Variants in P3H2 observed in about 807,000 individuals in gnomAD.
The protein encoded by P3H2 is prolyl 3-hydroxylase 2.
P3H2 carries 80 observed loss-of-function variants against 87.0 expected under a neutral mutation model. The observed-to-expected ratio is 0.92, with a 90% CI of 0.77 to 1.11. The LOEUF is 1.11. Among genes scored for constraint, P3H2 ranks in the 50% least tolerant of loss-of-function variants. P3H2 has a pLI of 0.00. For synonymous variants in P3H2, 367 were observed against 359.3 expected (o/e 1.02, Z -0.24); for missense variants, 1,001 against 923.9 (o/e 1.08, Z -1.08).
chr3:190,069,516 G>A (rs73053190), intron 1 of P3H2, among the ~76,000 whole-genome samples: 26,662 of 152,068 alleles, frequency 0.18, 3,604 homozygotes, highest in African/African-American at 0.38. Context: ...TTCTCTGTAA[G>A]ATTTACAGCA....
At chr3:190,015,206 A>T (rs1724712558) in intron 1 of P3H2, among the ~76,000 whole-genome samples, 1 of 151,856 alleles carries the variant, frequency 6.6e-6, no homozygotes, top group Non-Finnish European at 1.5e-5. Context: ...CTGACACGAA[A>T]CCTCACTATG....
At chr3:190,097,880 C>A (rs1269890647) in intron 1 of P3H2, among the ~76,000 whole-genome samples, 1 of 152,050 alleles carries the variant, frequency 6.6e-6, no homozygotes, top group Non-Finnish European at 1.5e-5. Flanking sequence ...CAAGGCCCCC[C>A]AAAAAACCCT....
chr3:190,092,850 G>A (rs1413098979), intron 1 of P3H2, among the ~76,000 whole-genome samples: 2 of 152,116 alleles, frequency 1.3e-5, no homozygotes, highest in East Asian at 3.9e-4. Context: ...TCTTGTTTTT[G>A]CTCATAGAAC....
intron 1 of P3H2, among the ~76,000 whole-genome samples, chr3:190,040,395 A>C (rs1344025066): frequency 6.6e-6 from 1 of 152,152 alleles, no homozygotes; most frequent in Non-Finnish European, 1.5e-5. Context: ...ATGGTTACTG[A>C]ATCCACCACC....
At chr3:189,987,703 G>A in intron 4 of P3H2, 34 bp from the exon 5 acceptor site, 2 of 1,613,738 alleles carry the variant, frequency 1.2e-6, no homozygotes, top group Non-Finnish European at 1.7e-6. Flanking sequence ...ATTAGAGTCA[G>A]CCTAGGTCTG....
chr3:190,117,645 GTTTT>G (rs11357414), intron 1 of P3H2, among the ~76,000 whole-genome samples: 1 of 125,786 alleles, frequency 8.0e-6, no homozygotes, highest in African/African-American at 2.9e-5. Context: ...TATTTGAGAG[GTTTT>G]TTTTTTTTTT....
intron 1 of P3H2, among the ~76,000 whole-genome samples, chr3:190,090,430 A>G (rs1851547): frequency 0.38 from 57,558 of 151,446 alleles, 11,300 homozygotes; most frequent in African/African-American, 0.47. Flanking sequence ...TTGGCCGCGC[A>G]CGGTGGCTCA....
chr3:189,991,155 AAAACTG>A (rs1246183489), intron 3 of P3H2, among the ~76,000 whole-genome samples: 1 of 152,252 alleles, frequency 6.6e-6, no homozygotes, highest in Non-Finnish European at 1.5e-5. Flanking sequence ...AACCACACAT[AAAACTG>A]ACATTCCAAA....
intron 1 of P3H2, among the ~76,000 whole-genome samples, chr3:190,069,523 A>G (rs1726626104): frequency 6.6e-6 from 1 of 152,208 alleles, no homozygotes; most frequent in South Asian, 2.1e-4. Flanking sequence ...TAAGATTTAC[A>G]GCATGTTTAC....
rs751872172 is a variant in P3H2, at chr3:189,970,907, G to A, written c.1818-16C>T. The stretch of plus-strand genomic sequence containing the variant: ...TAGGAGAGCACTATAAGAATGAAGA[G>A]AAAACTATTTGTATTATTATATGCT... On this transcript the variant is annotated splice_polypyrimidine_tract_variant and intron_variant, in intron 12 of 14. Coordinates refer to ENST00000319332, the MANE Select transcript of P3H2 (RefSeq NM_018192.4). 8.0e-6 allele frequency: 11 copies of A among 1,373,406 alleles called. No individual in the cohort carries two copies. The Admixed American group carries it at 1.8e-4, about 23-fold the overall frequency. 85.1% of individuals were successfully genotyped at this position (1,373,406 alleles called of 1,614,324 possible).
chr3:190,003,495 T>TAA (rs5855293), intron 1 of P3H2, among the ~76,000 whole-genome samples: 51 of 146,074 alleles, frequency 3.5e-4, no homozygotes, highest in South Asian at 8.8e-4. Context: ...CCCTTGATGT[T>TAA]AAAAAAAAAA....
chr3:190,004,361 C>T (rs7639633), intron 1 of P3H2, among the ~76,000 whole-genome samples: 19,376 of 152,098 alleles, frequency 0.13, 1,452 homozygotes, highest in East Asian at 0.22. Flanking sequence ...GACAAGGGTA[C>T]GTTATGATAC....
intron 11 of P3H2, 27 bp downstream of exon 11, chr3:189,972,847 G>A: frequency 6.2e-7 from 1 of 1,613,388 alleles, no homozygotes; most frequent in Non-Finnish European, 8.5e-7. Context: ...GTGGGTAAAA[G>A]GGAACCATTT....
rs1553877635 is a variant in P3H2 at position 190,039,196 on chromosome 3, A to AT, written c.481-43755_481-43754insA. 2.0e-4 allele frequency among the ~76,000 whole-genome samples: 30 copies of AT among 151,772 alleles called. No homozygotes were observed. The East Asian group carries it at 4.8e-3, about 25-fold the overall frequency. The stretch of plus-strand genomic sequence containing the variant: ...AAAAGCGAAACTCCATCTCAAAAAA[A>AT]AAAATAAAAAAGAATTGAGCACTGT... On this transcript the variant is annotated intron_variant, in intron 1 of 14. Transcript: ENST00000319332.
rs938860327 is a variant in P3H2 at position 190,020,913 on chromosome 3, T to C, written c.481-25471A>G. Among the ~76,000 whole-genome samples the C allele has an allele frequency of 6.7e-5, 9 of 134,694 alleles. 3 individuals carry two copies. The highest frequency in any genetic ancestry group is 9.9e-5 in the Non-Finnish European group (6 of 60,426). The allele number at this position is 134,694 out of a possible 152,430, so 88.4% of individuals were successfully genotyped here. A position where few individuals can be genotyped will look rare whatever the true frequency, so the allele number is the denominator to read the frequency against. ...TATTGGGGTAAAAGCTGGATGGCTA[T>C]GGAACTGCAAGGAACTTTTAAGTAT... On this transcript the variant is annotated intron_variant, in intron 1 of 14. Transcript: ENST00000319332.
At chr3:189,959,066 G>A (rs907394728) in intron 14 of P3H2, among the ~76,000 whole-genome samples, 7 of 151,690 alleles carry the variant, frequency 4.6e-5, no homozygotes, top group Admixed American at 2.6e-4. Context: ...AATTGCTCTC[G>A]CTGTTTCACT....
At chr3:190,072,323 G>A (rs1408101410) in intron 1 of P3H2, among the ~76,000 whole-genome samples, 4 of 151,986 alleles carry the variant, frequency 2.6e-5, no homozygotes, top group East Asian at 1.9e-4. Flanking sequence ...CACCATGCCC[G>A]GTCAAGATGA....
At chr3:190,061,362 T>C (rs1460621549) in intron 1 of P3H2, among the ~76,000 whole-genome samples, 1 of 152,032 alleles carries the variant, frequency 6.6e-6, no homozygotes, top group Non-Finnish European at 1.5e-5. Context: ...CCAGGAGCTA[T>C]GGGTGGATTT....
chr3:190,041,851 TAA>T (rs1200357425), intron 1 of P3H2, among the ~76,000 whole-genome samples: 1 of 152,092 alleles, frequency 6.6e-6, no homozygotes, highest in Non-Finnish European at 1.5e-5. Context: ...AAGTTCAACT[TAA>T]AAAAAATTTT....
Sources: allele counts gnomAD v4.1 joint callset (sites outside exome capture counted in the v4.1 genomes callset), GRCh38; gene constraint gnomAD v4.1.1; transcripts MANE v1.5; gene names NCBI Gene and HGNC (gene_info 2026-07-23, HGNC 2026-07-21).